Variants in KDM5A observed in about 807,000 individuals in gnomAD.
KDM5A encodes the protein lysine demethylase 5A, also known as lysine-specific demethylase 5A.
In KDM5A, 42 loss-of-function variants were observed where a neutral mutation model predicts 193.5. The ratio of observed to expected loss-of-function variants is 0.22; its 90% confidence interval spans 0.17 to 0.28. The LOEUF (loss-of-function observed/expected upper bound fraction) is 0.28, where lower values mean the gene tolerates loss of function less well. Ranked by LOEUF, KDM5A falls within the 10% of genes least tolerant of loss-of-function variation. KDM5A has a pLI of 1.00. For missense variants in KDM5A, 1,692 were observed against 2,055.1 expected, an observed-to-expected ratio of 0.82 and a Z score of 3.42; for synonymous variants, 796 against 718.1, an observed-to-expected ratio of 1.11 and a Z score of -1.73.
At chr12:379,775 A>G (rs1293262725) in intron 3 of KDM5A, among the ~76,000 whole-genome samples, 2 of 152,202 alleles carry the variant, frequency 1.3e-5, no homozygotes, top group Non-Finnish European at 2.9e-5. Context: ...TAATCATAAC[A>G]TATTTTCAAT....
chr12:331,761 G>C, intron 13 of KDM5A, 58 bp downstream of exon 13: 1 of 1,605,144 alleles, frequency 6.2e-7, no homozygotes, highest in Non-Finnish European at 8.5e-7. Flanking sequence ...CAACTAAGCT[G>C]CTTTATATTT....
intron 10 of KDM5A, among the ~76,000 whole-genome samples, chr12:346,870 T>TA (rs1944084105): frequency 6.6e-6 from 1 of 152,100 alleles, no homozygotes; most frequent in Non-Finnish European, 1.5e-5. Flanking sequence ...GAAGGATGTC[T>TA]TCTCTCACCA....
At chr12:308,218 T>C (rs533145467) in intron 22 of KDM5A, among the ~76,000 whole-genome samples, 2 of 152,202 alleles carry the variant, frequency 1.3e-5, no homozygotes, top group Non-Finnish European at 2.9e-5. Context: ...TACAGTACTT[T>C]GGCCTCTTCT....
Position 385,908 on chromosome 12 carries a change from T to C in KDM5A, c.232A>G (p.Asn78Asp). ...GACAAAACACTTACCTCAAGTTCAT[T>C]CAGGCGCTGGACTCTTGGAGTGAAA... is the stretch of plus-strand genomic sequence containing the variant. ...FRFTPRVQRL[N>D]ELEAMTRVRL... The change falls in exon 2 of 28, where the codon AAT becomes GAT. Residue 78 changes from asparagine (N) to aspartate (D), a missense_variant. Coordinates refer to ENST00000399788, the MANE Select transcript of KDM5A (RefSeq NM_001042603.3). 6.2e-7 allele frequency: 1 copy of C among 1,613,580 alleles called. No homozygotes were observed. The highest frequency in any genetic ancestry group is 8.5e-7 in the Non-Finnish European group (1 of 1,179,572).
intron 10 of KDM5A, among the ~76,000 whole-genome samples, chr12:349,162 A>C (rs1944117520): frequency 6.6e-6 from 1 of 151,740 alleles, no homozygotes; most frequent in Admixed American, 6.6e-5. Context: ...CTAGGATTAC[A>C]GGCATGTGCC....
At chr12:360,422 G>T (rs1315776784) in intron 5 of KDM5A, among the ~76,000 whole-genome samples, 2 of 152,102 alleles carry the variant, frequency 1.3e-5, no homozygotes, top group East Asian at 3.8e-4. Flanking sequence ...AGATGACTAA[G>T]GAGTGGTCAG....
At chr12:352,082 C>A (rs553969474) in intron 9 of KDM5A, 123 bp downstream of exon 9, 8 of 849,782 alleles carry the variant, frequency 9.4e-6, no homozygotes, top group South Asian at 7.7e-5. Context: ...CCAGCCTGGG[C>A]GACAAAGCAA....
intron 3 of KDM5A, among the ~76,000 whole-genome samples, chr12:366,392 TACAG>T (rs1944357560): frequency 6.6e-6 from 1 of 152,064 alleles, no homozygotes; most frequent in Non-Finnish European, 1.5e-5. Flanking sequence ...TAAACACATG[TACAG>T]ACAGACTACC....
At chr12:298,922 G>A (rs754424964) in intron 24 of KDM5A, among the ~76,000 whole-genome samples, 4 of 151,472 alleles carry the variant, frequency 2.6e-5, no homozygotes, top group South Asian at 2.1e-4. Flanking sequence ...ATCAATAGCC[G>A]AATCAATCAA....
At chr12:329,106 C>T in intron 13 of KDM5A, 77 bp from the exon 14 acceptor site, 1 of 1,190,566 alleles carries the variant, frequency 8.4e-7, no homozygotes, top group Non-Finnish European at 1.2e-6. Flanking sequence ...CCCTCCAGGT[C>T]CTCCCTTTTA....
rs537217016 is a variant in KDM5A, at chr12:373,534, C to G, written c.367-7430G>C. Among the ~76,000 whole-genome samples the G allele has an allele frequency of 5.9e-5, 9 of 152,246 alleles. No homozygotes were observed. In the East Asian group the frequency reaches 1.7e-3, roughly 29 times the overall value. ...GTTGATCTTTTCAAAAAACCAGCTC[C>G]TGGATTCATTGATTTTTTGAAGGGT... On this transcript the variant is annotated intron_variant, in intron 3 of 27. Transcript: ENST00000399788.
At chr12:364,877 C>T (rs913247868) in intron 4 of KDM5A, among the ~76,000 whole-genome samples, 7 of 151,002 alleles carry the variant, frequency 4.6e-5, no homozygotes, top group Non-Finnish European at 1.0e-4. Flanking sequence ...GAAATGAAAA[C>T]ATATGTCCAC....
Position 307,690 on chromosome 12 carries a change from A to C in KDM5A, c.3694T>G (p.Ser1232Ala). 1 of 1,614,204 alleles carries C rather than the reference A, an allele frequency of 6.2e-7. No individual in the cohort carries two copies. Among genetic ancestry groups the C allele is most frequent in the Non-Finnish European group, 8.5e-7 (1 of 1,180,034 alleles). Reference protein sequence around the residue: ...RLETILSLLVSLQKLPVRLPE... With the variant: ...RLETILSLLVALQKLPVRLPE... ...AACCGTACGGGCAACTTCTGAAGGG[A>C]TACCAGGAGTGACAGAATAGTCTCT... The change falls in exon 23 of 28, where the codon TCC (serine) becomes GCC (alanine). Residue 1232 changes from serine to alanine, a missense_variant. By Grantham distance (99) the Ser-to-Ala change is moderately conservative. Transcript: ENST00000399788. This position sits in a 1 kb window ranked among gnomAD's most constrained non-coding sequence, Gnocchi z 4.3.
At chr12:303,011 A>T (rs1229493990) in intron 24 of KDM5A, among the ~76,000 whole-genome samples, 1 of 152,190 alleles carries the variant, frequency 6.6e-6, no homozygotes, top group African/African-American at 2.4e-5. Flanking sequence ...AAAAGTCAGG[A>T]AACAACAGAT....
chr12:387,860 T>G (rs192510539), intron 1 of KDM5A, among the ~76,000 whole-genome samples: 22 of 152,224 alleles, frequency 1.4e-4, no homozygotes, highest in African/African-American at 4.1e-4. Flanking sequence ...TAGTCAGTGG[T>G]GACGGCAGAT....
chr12:350,564 T>C, intron 10 of KDM5A, 57 bp downstream of exon 10: 3 of 1,566,318 alleles, frequency 1.9e-6, no homozygotes, highest in Non-Finnish European at 1.8e-6. Context: ...TAAGATAGTT[T>C]TCAATGCAAA....
chr12:348,887 C>T (rs1392228785), intron 10 of KDM5A, among the ~76,000 whole-genome samples: 2 of 149,998 alleles, frequency 1.3e-5, no homozygotes, highest in African/African-American at 4.9e-5. Context: ...TGCACATGTA[C>T]CCTAGAACTT....
rs1474964968 is a variant in KDM5A, at chr12:384,150, T to C, written c.247A>G (p.Met83Val). The C allele has an allele frequency of 1.3e-6, 2 of 1,589,338 alleles. No individual in the cohort carries two copies. The highest frequency in any genetic ancestry group is 1.7e-5 in the Admixed American group (1 of 59,978). ...AAGAAATCCAATCTCACTCTGGTCATTGCCTAAGATTATTAAAATACAGAA... is the reference window on the plus strand; with the variant it reads ...AAGAAATCCAATCTCACTCTGGTCACTGCCTAAGATTATTAAAATACAGAA... The part of the protein sequence containing the change: ...RVQRLNELEA[M>V]TRVRLDFLDQ... Residue 83 changes from methionine to valine, a missense_variant, in exon 3 of 28, where the codon ATG (methionine) becomes GTG (valine). Around this residue, in one of 11 missense-constraint regions of KDM5A, gnomAD observed 120 missense variants for 172.0 expected, o/e 0.70. Transcript: ENST00000399788.
chr12:350,581 A>C, intron 10 of KDM5A, 40 bp downstream of exon 10: 1 of 1,609,516 alleles, frequency 6.2e-7, no homozygotes, highest in African/African-American at 1.3e-5. Flanking sequence ...CAAAAGCTAA[A>C]TCAGCTTGGG....
Sources: allele counts gnomAD v4.1 joint callset (sites outside exome capture counted in the v4.1 genomes callset), GRCh38; gene constraint gnomAD v4.1.1; regional missense constraint gnomAD v4.1.1; non-coding constraint Gnocchi (gnomAD v3.1); transcripts MANE v1.5; gene names NCBI Gene and HGNC (gene_info 2026-07-23, HGNC 2026-07-21).